Variants in ELMO1 observed in about 807,000 individuals in gnomAD.
ELMO1 encodes engulfment and cell motility 1.
Under a neutral mutation model 98.9 loss-of-function variants are expected in ELMO1, and 26 were observed. The ratio of observed to expected loss-of-function variants is 0.26; its 90% confidence interval spans 0.19 to 0.36. ELMO1 has a LOEUF of 0.36. Among genes scored for constraint, ELMO1 ranks in the 10% least tolerant of loss-of-function variants. The pLI, the probability that ELMO1 is intolerant of heterozygous loss-of-function variation, is 1.00. For missense variants in ELMO1, 627 were observed against 935.2 expected, an observed-to-expected ratio of 0.67 and a Z score of 4.30; for synonymous variants, 346 against 346.0, an observed-to-expected ratio of 1.00 and a Z score of 0.00.
chr7:36,866,802 C>A (rs1803064769), intron 20 of ELMO1, among the ~76,000 whole-genome samples: 1 of 152,168 alleles, frequency 6.6e-6, no homozygotes, highest in African/African-American at 2.4e-5. Flanking sequence ...CTTATGAACA[C>A]ATTCTGGTCA....
intron 16 of ELMO1, among the ~76,000 whole-genome samples, chr7:36,967,610 G>T (rs759043965): frequency 6.6e-5 from 10 of 152,286 alleles, no homozygotes; most frequent in South Asian, 2.1e-4. Flanking sequence ...ACAGAGAAAG[G>T]AAAGAGCAAG....
chr7:37,175,842 G>T (rs780724546), intron 13 of ELMO1, among the ~76,000 whole-genome samples: 1 of 151,908 alleles, frequency 6.6e-6, no homozygotes, highest in African/African-American at 2.4e-5. Context: ...GTGAGATTCT[G>T]TCTCAAAGAA....
At chr7:37,358,805 A>G (rs1348136333) in intron 1 of ELMO1, among the ~76,000 whole-genome samples, 3 of 152,196 alleles carry the variant, frequency 2.0e-5, no homozygotes, top group Non-Finnish European at 4.4e-5. Flanking sequence ...CAAGCTGACC[A>G]GATTTGCATT....
intron 16 of ELMO1, among the ~76,000 whole-genome samples, chr7:37,003,949 A>C (rs1792867499): frequency 1.3e-5 from 2 of 152,176 alleles, no homozygotes; most frequent in African/African-American, 4.8e-5. Context: ...AATAGGGGGC[A>C]CCTATATGAC....
intron 16 of ELMO1, among the ~76,000 whole-genome samples, chr7:36,963,643 T>C (rs1279235007): frequency 6.6e-6 from 1 of 152,220 alleles, no homozygotes; most frequent in Non-Finnish European, 1.5e-5. Context: ...ATTAGTTCTA[T>C]ATAAAACATA....
chr7:37,181,073 AATTTT>A (rs1451278668), intron 13 of ELMO1, among the ~76,000 whole-genome samples: 1 of 152,224 alleles, frequency 6.6e-6, no homozygotes, highest in Non-Finnish European at 1.5e-5. Context: ...TAACATGCTT[AATTTT>A]ATGTTATGTG....
At chr7:37,235,436 C>T (rs1162882300) in intron 7 of ELMO1, among the ~76,000 whole-genome samples, 1 of 152,082 alleles carries the variant, frequency 6.6e-6, no homozygotes, top group Non-Finnish European at 1.5e-5. Flanking sequence ...AGAGGAAAAA[C>T]AAGAACCAAA....
chr7:37,400,143 AT>A (rs1418026681), intron 1 of ELMO1, among the ~76,000 whole-genome samples: 1 of 152,222 alleles, frequency 6.6e-6, no homozygotes, highest in Non-Finnish European at 1.5e-5. Flanking sequence ...GGAGTTATAC[AT>A]TGTAAATGAG....
At chr7:37,005,692 CAAAAAAAAA>C (rs71553094) in intron 16 of ELMO1, among the ~76,000 whole-genome samples, 1 of 37,496 alleles carries the variant, frequency 2.7e-5, no homozygotes, top group African/African-American at 7.0e-5. Flanking sequence ...GACTCTGTCT[CAAAAAAAAA>C]AAAAAAAAAA....
intron 1 of ELMO1, among the ~76,000 whole-genome samples, chr7:37,421,611 G>A (rs12531123): frequency 0.31 from 46,721 of 151,962 alleles, 7,643 homozygotes; most frequent in East Asian, 0.44. Context: ...ACTCCTAAAC[G>A]CCAGGCTGTT....
intron 15 of ELMO1, among the ~76,000 whole-genome samples, chr7:37,088,700 C>T (rs1265069448): frequency 6.6e-6 from 1 of 152,204 alleles, no homozygotes; most frequent in African/African-American, 2.4e-5. Context: ...AAGAATTTTA[C>T]ATGAAGTTCT....
chr7:37,287,650 T>C (rs1797464018), intron 4 of ELMO1, among the ~76,000 whole-genome samples: 2 of 152,262 alleles, frequency 1.3e-5, no homozygotes, highest in Non-Finnish European at 2.9e-5. Context: ...CGTTTTTATA[T>C]GGCTGTAGTG....
chr7:36,875,102 A>G (rs1342300691), intron 19 of ELMO1, among the ~76,000 whole-genome samples: 1 of 152,196 alleles, frequency 6.6e-6, no homozygotes, highest in African/African-American at 2.4e-5. Flanking sequence ...AATGACACTG[A>G]ACATTAATTA....
At chr7:36,941,725 T>C (rs1023477257) in intron 16 of ELMO1, among the ~76,000 whole-genome samples, 11 of 152,244 alleles carry the variant, frequency 7.2e-5, no homozygotes, top group African/African-American at 2.7e-4. Flanking sequence ...GCTTCAGTCT[T>C]GTGACCAGTC....
At chr7:37,132,363 G>A (rs764797446) in intron 14 of ELMO1, among the ~76,000 whole-genome samples, 1 of 152,096 alleles carries the variant, frequency 6.6e-6, no homozygotes, top group Admixed American at 6.5e-5. Context: ...CAATTCCCCT[G>A]CCCCATTTAT....
At chr7:37,079,019 C>T (rs1797725984) in intron 15 of ELMO1, among the ~76,000 whole-genome samples, 3 of 152,180 alleles carry the variant, frequency 2.0e-5, no homozygotes, top group Middle Eastern at 3.4e-3. Context: ...GCATATATTA[C>T]CTGTGAATTT....
chr7:37,241,259 C>T (rs540761967), intron 7 of ELMO1, among the ~76,000 whole-genome samples: 1 of 152,048 alleles, frequency 6.6e-6, no homozygotes, highest in East Asian at 1.9e-4. Flanking sequence ...TACTAATTAT[C>T]CCTCTTTAAC....
intron 16 of ELMO1, among the ~76,000 whole-genome samples, chr7:36,897,694 T>TG (rs1806154142): frequency 6.6e-6 from 1 of 152,170 alleles, no homozygotes; most frequent in Non-Finnish European, 1.5e-5. Flanking sequence ...TTATGGAATG[T>TG]GGGGAACTCT....
chr7:37,041,367 T>C (rs1795498295), intron 15 of ELMO1, among the ~76,000 whole-genome samples: 1 of 152,190 alleles, frequency 6.6e-6, no homozygotes, highest in East Asian at 1.9e-4. Flanking sequence ...CCCTGAAATA[T>C]ACAAGGTCTA....
Sources: gnomAD v4.1 joint callset for allele counts (sites outside exome capture counted in the v4.1 genomes callset) on GRCh38, gnomAD v4.1.1 for gene constraint, MANE v1.5 for transcripts, NCBI Gene and HGNC (gene_info 2026-07-23, HGNC 2026-07-21) for gene names.